The following MTUS2 variants were observed in gnomAD, a reference collection of about 807,000 sequenced individuals.
MTUS2 encodes the protein microtubule-associated tumor suppressor candidate 2.
A neutral mutation model predicts 114.1 loss-of-function variants in MTUS2; 40 were observed. The observed-to-expected ratio is 0.35, with a 90% CI of 0.27 to 0.46. MTUS2 has a LOEUF of 0.46. Among genes scored for constraint, MTUS2 ranks in the 20% least tolerant of loss-of-function variants. MTUS2 has a pLI of 1.00. For synonymous variants in MTUS2, 688 were observed against 672.0 expected (o/e 1.02, Z -0.37); for missense variants, 1,679 against 1,705.4 (o/e 0.98, Z 0.27).
chr13:28,823,059 G>GA (rs1187829314), intron 1 of MTUS2, among the ~76,000 whole-genome samples: 1 of 152,166 alleles, frequency 6.6e-6, no homozygotes, highest in East Asian at 1.9e-4. Context: ...GGGAAGGGAG[G>GA]AAAGTGGGTT....
chr13:29,021,872 A>G (rs924703320), intron 2 of MTUS2, among the ~76,000 whole-genome samples: 5 of 152,200 alleles, frequency 3.3e-5, no homozygotes, highest in East Asian at 1.9e-4. Context: ...TGATCAGGGT[A>G]TGAGCAACTT....
intron 8 of MTUS2, among the ~76,000 whole-genome samples, chr13:29,414,999 G>GT (rs1261851510): frequency 6.5e-4 from 92 of 140,716 alleles, no homozygotes; most frequent in East Asian, 1.2e-3. Flanking sequence ...TTTTGGTTTG[G>GT]TTTTTTTTTT....
intron 2 of MTUS2, among the ~76,000 whole-genome samples, chr13:28,845,215 A>T (rs1875789417): frequency 6.6e-6 from 1 of 152,136 alleles, no homozygotes; most frequent in Non-Finnish European, 1.5e-5. Flanking sequence ...CTCCCAAAGC[A>T]CTGGGGTAAC....
At chr13:29,133,723 G>T (rs113212534) in intron 5 of MTUS2, among the ~76,000 whole-genome samples, 2,550 of 152,226 alleles carry the variant, frequency 0.017, 70 homozygotes, top group African/African-American at 0.058. Context: ...CTATCTTTTT[G>T]CAGTACCACA....
At chr13:29,424,360 A>G (rs551763471) in intron 8 of MTUS2, among the ~76,000 whole-genome samples, 1 of 143,750 alleles carries the variant, frequency 7.0e-6, no homozygotes, top group African/African-American at 2.6e-5. Flanking sequence ...TTAAAAATGT[A>G]TATCAAAGAA....
At chr13:29,417,580 C>T (rs1234157809) in intron 8 of MTUS2, among the ~76,000 whole-genome samples, 1 of 152,082 alleles carries the variant, frequency 6.6e-6, no homozygotes, top group Non-Finnish European at 1.5e-5. Context: ...GTTTATCTTA[C>T]TCTGGGCACC....
chr13:29,480,853 G>A lies in MTUS2; in HGVS notation c.3399+489G>A, dbSNP rs373744136. 3.9e-4 allele frequency among the ~76,000 whole-genome samples: 60 copies of A among 152,156 alleles called. No individual in the cohort carries two copies. The highest frequency in any genetic ancestry group is 1.3e-3 in the African/African-American group (54 of 41,488). On this transcript the variant is annotated intron_variant, in intron 10 of 15. Transcript: ENST00000612955. This position sits in a 1 kb window ranked among gnomAD's most constrained non-coding sequence, Gnocchi z 4.4. The stretch of plus-strand genomic sequence containing the variant: ...ACAAGCAAACATGTATGTAGCACTC[G>A]TCCTACACCAGACACTGCTCTAAGC...
Position 29,026,114 on chromosome 13 carries a change from C to A in MTUS2, c.1416C>A (p.Phe472Leu). The A allele has an allele frequency of 6.2e-7, 1 of 1,613,956 alleles. No individual in the cohort carries two copies. The highest frequency in any genetic ancestry group is 8.5e-7 in the Non-Finnish European group (1 of 1,179,882). The change falls in exon 3 of 16, where the codon TTC (phenylalanine) becomes TTA (leucine). Residue 472 changes from phenylalanine to leucine, a missense_variant. By Grantham distance (22) the Phe-to-Leu change is conservative (BLOSUM62 0). Around this residue, in one of 3 missense-constraint regions of MTUS2, gnomAD observed 843 missense variants for 770.8 expected, o/e 1.09. Transcript: ENST00000612955. The part of the protein sequence containing the change: ...GNKDSVMVLV[F>L]NPSVGENKTE... ...AGGACAGTGTTATGGTTTTGGTGTTCAATCCTTCTGTTGGAGAGAACAAGA... is the reference window on the plus strand; with the variant it reads ...AGGACAGTGTTATGGTTTTGGTGTTAAATCCTTCTGTTGGAGAGAACAAGA...
At chr13:29,382,248 C>A (rs983080269) in intron 8 of MTUS2, among the ~76,000 whole-genome samples, 4 of 152,094 alleles carry the variant, frequency 2.6e-5, no homozygotes, top group African/African-American at 7.2e-5. Flanking sequence ...GACCCTGGCC[C>A]TTATCTAAGA....
intron 2 of MTUS2, among the ~76,000 whole-genome samples, chr13:28,928,157 A>T (rs1881425114): frequency 6.6e-6 from 1 of 152,174 alleles, no homozygotes; most frequent in Admixed American, 6.5e-5. Context: ...ACTAGATGAA[A>T]ATGTTGCATA....
chr13:29,230,114 T>C (rs6490381), intron 5 of MTUS2, among the ~76,000 whole-genome samples: 129,155 of 152,074 alleles, frequency 0.85, 55,000 homozygotes, highest in African/African-American at 0.91. Flanking sequence ...GGCATGGTGG[T>C]GGGCACCTGT....
chr13:28,995,534 A>G (rs1885060650), intron 2 of MTUS2, among the ~76,000 whole-genome samples: 2 of 152,146 alleles, frequency 1.3e-5, no homozygotes, highest in South Asian at 4.1e-4. Flanking sequence ...ACCCATGAGC[A>G]TGGAATGTTC....
chr13:28,884,777 TTTG>T (rs1166882605), intron 2 of MTUS2, among the ~76,000 whole-genome samples: 1 of 152,222 alleles, frequency 6.6e-6, no homozygotes, highest in Admixed American at 6.5e-5. Flanking sequence ...TGCTGCATTT[TTTG>T]TTACTTCCTG....
chr13:29,148,052 C>G lies in MTUS2; in HGVS notation c.2644+47082C>G, dbSNP rs139308072. 9.2e-5 allele frequency among the ~76,000 whole-genome samples: 14 copies of G among 152,280 alleles called. No homozygotes were observed. The East Asian group carries it at 2.7e-3, about 29-fold the overall frequency. ...CACAGTGGCTGAATTAATTTACATTCCCACCAACAGTGTATAAGCTGTTCC... is the reference window on the plus strand; with the variant it reads ...CACAGTGGCTGAATTAATTTACATTGCCACCAACAGTGTATAAGCTGTTCC... On this transcript the variant is annotated intron_variant, in intron 5 of 15. Transcript: ENST00000612955.
At chr13:28,923,534 C>T (rs926118157) in intron 2 of MTUS2, among the ~76,000 whole-genome samples, 1 of 152,158 alleles carries the variant, frequency 6.6e-6, no homozygotes, top group African/African-American at 2.4e-5. Flanking sequence ...CCCTCTGGTC[C>T]CTGCTGGTGC....
At chr13:29,371,428 G>C (rs1310162012) in intron 8 of MTUS2, among the ~76,000 whole-genome samples, 2 of 152,076 alleles carry the variant, frequency 1.3e-5, no homozygotes, top group Non-Finnish European at 2.9e-5. Flanking sequence ...ATGTTGGCCA[G>C]GCTGGTCTCA....
chr13:28,842,486 C>T (rs1176090620), intron 2 of MTUS2, among the ~76,000 whole-genome samples: 3 of 152,070 alleles, frequency 2.0e-5, no homozygotes, highest in South Asian at 4.1e-4. Flanking sequence ...AAAACACAGA[C>T]GGAATATTTG....
intron 5 of MTUS2, among the ~76,000 whole-genome samples, chr13:29,120,355 T>A (rs944514642): frequency 1.3e-5 from 2 of 152,182 alleles, no homozygotes; most frequent in Non-Finnish European, 2.9e-5. Flanking sequence ...TCATTCTTGT[T>A]GTAATAGTAA....
intron 5 of MTUS2, among the ~76,000 whole-genome samples, chr13:29,138,186 G>A (rs1892064097): frequency 6.6e-6 from 1 of 152,040 alleles, no homozygotes; most frequent in Admixed American, 6.6e-5. Flanking sequence ...GGGACTGGGG[G>A]ATGGGTAGCT....
Sources: gnomAD v4.1 joint callset for allele counts (sites outside exome capture counted in the v4.1 genomes callset) on GRCh38, gnomAD v4.1.1 for gene constraint, gnomAD v4.1.1 regional missense constraint, Gnocchi (gnomAD v3.1) non-coding constraint, MANE v1.5 for transcripts, NCBI Gene and HGNC (gene_info 2026-07-23, HGNC 2026-07-21) for gene names.